CDKL5: variants seen among roughly 807,000 people sequenced by gnomAD.
CDKL5 encodes cyclin-dependent kinase-like 5.
Under a neutral mutation model 61.7 loss-of-function variants are expected in CDKL5, and 8 were observed. The observed-to-expected ratio is 0.13, with a 90% confidence interval of 0.08 to 0.23. The LOEUF is 0.23. Ranked by LOEUF, CDKL5 falls within the 10% of genes least tolerant of loss-of-function variation. The probability of loss-of-function intolerance (pLI) is 1.00; values close to 1 mark genes in which losing one functional copy is unlikely to be tolerated. For missense variants in CDKL5, 440 were observed against 734.5 expected (o/e 0.60, Z 4.63); for synonymous variants, 275 against 272.3 (o/e 1.01, Z -0.10).
At chrX:18,436,001 T>C (rs1449842117) in intron 1 of CDKL5, among the ~76,000 whole-genome samples, 1 of 111,407 alleles carries the variant, frequency 9.0e-6, no homozygotes, top group Non-Finnish European at 1.9e-5. Flanking sequence ...CCCCAAAAAC[T>C]TAACTACTAA....
Position 18,634,383 on chromosome X carries a change from G to A in CDKL5, c.*5626G>A, listed in dbSNP as rs957353123. ...TCAGAAGAAACCCAGGAATAGAAAA[G>A]GTAGATGCCTTGACTTTTGTCCCTG... On this transcript the variant is annotated 3_prime_UTR_variant, in exon 18 of 18. Coordinates refer to ENST00000623535, the MANE Select transcript of CDKL5 (RefSeq NM_001323289.2). The A allele has an allele frequency of 1.3e-6, 1 of 754,206 alleles. No individual in the cohort carries two copies. Among genetic ancestry groups the A allele is most frequent in the Admixed American group, 8.6e-5 (1 of 11,680 alleles). 62.2% of individuals were successfully genotyped at this position (754,206 alleles called of 1,213,427 possible). A position where few individuals can be genotyped will look rare whatever the true frequency, so the allele number is the denominator to read the frequency against.
At chrX:18,502,782 G>A (rs1288078384) in intron 1 of CDKL5, among the ~76,000 whole-genome samples, 1 of 111,848 alleles carries the variant, frequency 8.9e-6, no homozygotes, top group Non-Finnish European at 1.9e-5. Flanking sequence ...AACCTATTCA[G>A]TAGGGCATCC....
chrX:18,456,760 A>C (rs1932151555), intron 1 of CDKL5, among the ~76,000 whole-genome samples: 1 of 111,813 alleles, frequency 8.9e-6, no homozygotes, highest in African/African-American at 3.2e-5. Context: ...TTTTCTGTCA[A>C]ATACACCTAG....
In CDKL5 at chrX:18,631,710, T is replaced by C. The variant is rs1253596041; in HGVS notation, c.*2953T>C. The C allele has an allele frequency of 2.7e-6, 2 of 752,485 alleles. No individual in the cohort carries two copies. The highest frequency in any genetic ancestry group is 2.3e-5 in the African/African-American group (1 of 43,363). 62.0% of individuals were successfully genotyped at this position (752,485 alleles called of 1,213,427 possible). A position where few individuals can be genotyped will look rare whatever the true frequency, so the allele number is the denominator to read the frequency against. ...TCTCCTTTGGAAAAGAAACTCTGCT[T>C]CACTGTTTTTCTACCTTTATTTCTC... On this transcript the variant is annotated 3_prime_UTR_variant, in exon 18 of 18. Coordinates refer to ENST00000623535, the MANE Select transcript of CDKL5 (RefSeq NM_001323289.2).
intron 2 of CDKL5, among the ~76,000 whole-genome samples, chrX:18,509,752 T>C (rs1047614888): frequency 1.8e-5 from 2 of 110,813 alleles, no homozygotes; most frequent in African/African-American, 6.6e-5. Context: ...ACAGTGGGAG[T>C]GCTTGTCGCC....
chrX:18,615,980 T>C (rs768197856), intron 15 of CDKL5, among the ~76,000 whole-genome samples: 2 of 111,804 alleles, frequency 1.8e-5, no homozygotes, highest in Admixed American at 1.9e-4. Flanking sequence ...ACAAGCAAAA[T>C]AGAGTTAATA....
At chrX:18,489,783 C>T (rs1921926181) in intron 1 of CDKL5, among the ~76,000 whole-genome samples, 1 of 110,141 alleles carries the variant, frequency 9.1e-6, no homozygotes, top group African/African-American at 3.3e-5. Context: ...GGCGTGGTGG[C>T]CTTATACCTG....
intron 12 of CDKL5, 107 bp downstream of exon 12, chrX:18,604,975 T>G: frequency 1.1e-6 from 1 of 948,522 alleles, no homozygotes; most frequent in South Asian, 2.0e-5. Flanking sequence ...GAGGTTGTGC[T>G]TTTCTTGATA....
At chrX:18,611,849 A>G (rs1434948637) in intron 14 of CDKL5, among the ~76,000 whole-genome samples, 1 of 112,083 alleles carries the variant, frequency 8.9e-6, no homozygotes, top group South Asian at 3.7e-4. Flanking sequence ...TGTCATTTCA[A>G]TGATACTACT....
chrX:18,610,257 A>G (rs1322957499), intron 14 of CDKL5, among the ~76,000 whole-genome samples: 2 of 112,061 alleles, frequency 1.8e-5, no homozygotes, highest in Non-Finnish European at 3.8e-5. Flanking sequence ...TACCCAGCCT[A>G]TGGGACTGCA....
Position 18,629,597 on chromosome X carries a change from T to C in CDKL5, c.*840T>C. 1.3e-6 allele frequency: 1 copy of C among 752,023 alleles called. No homozygotes were observed. The highest frequency in any genetic ancestry group is 1.6e-6 in the Non-Finnish European group (1 of 637,215). 62.0% of individuals were successfully genotyped at this position (752,023 alleles called of 1,213,427 possible). A position where few individuals can be genotyped will look rare whatever the true frequency, so the allele number is the denominator to read the frequency against. ...CTACTAAAGGGAGTTGAATTGTGGC[T>C]ACACGTGACTGTAACAGTATGAACC... On this transcript the variant is annotated 3_prime_UTR_variant, in exon 18 of 18. Coordinates refer to ENST00000623535, the MANE Select transcript of CDKL5 (RefSeq NM_001323289.2).
At chrX:18,601,067 C>A (rs187458302) in intron 11 of CDKL5, among the ~76,000 whole-genome samples, 19 of 111,931 alleles carry the variant, frequency 1.7e-4, no homozygotes, top group African/African-American at 5.8e-4. Flanking sequence ...TTTAGAGATG[C>A]TCACAGCACC....
intron 1 of CDKL5, among the ~76,000 whole-genome samples, chrX:18,444,129 G>A (rs1414677350): frequency 6.7e-5 from 7 of 104,479 alleles, no homozygotes; most frequent in Non-Finnish European, 1.4e-4. Flanking sequence ...TATGTATCCT[G>A]CTTTTATTTG....
intron 1 of CDKL5, among the ~76,000 whole-genome samples, chrX:18,490,045 C>CT (rs1166525099): frequency 1.8e-5 from 2 of 111,721 alleles, no homozygotes; most frequent in Non-Finnish European, 3.8e-5. Flanking sequence ...GAGTTTGACT[C>CT]TGTCAAAATC....
rs926246653 is a variant in CDKL5 at position 18,633,586 on chromosome X, C to T, written c.*4829C>T. ...CTGATGAAAAATTCTGTCTCAGAAA[C>T]GATGAGTAAGAAACCATACAAGAAA... On this transcript the variant is annotated 3_prime_UTR_variant, in exon 18 of 18. Coordinates refer to ENST00000623535, the MANE Select transcript of CDKL5 (RefSeq NM_001323289.2). 2.7e-5 allele frequency: 20 copies of T among 753,451 alleles called. No individual in the cohort carries two copies. The highest frequency in any genetic ancestry group is 3.0e-5 in the Non-Finnish European group (19 of 639,261). The allele number at this position is 753,451 out of a possible 1,213,427, so 62.1% of individuals were successfully genotyped here. A position where few individuals can be genotyped will look rare whatever the true frequency, so the allele number is the denominator to read the frequency against.
At chrX:18,618,353 C>T (rs1194400209) in intron 15 of CDKL5, among the ~76,000 whole-genome samples, 3 of 111,717 alleles carry the variant, frequency 2.7e-5, no homozygotes, top group African/African-American at 9.8e-5. Flanking sequence ...AATTCTTTAA[C>T]CTCTAGAAGT....
intron 1 of CDKL5, among the ~76,000 whole-genome samples, chrX:18,477,306 A>C (rs1921355851): frequency 9.1e-6 from 1 of 110,234 alleles, no homozygotes; most frequent in African/African-American, 3.3e-5. Context: ...ACTTCAAGTG[A>C]TCTGTCCACC....
chrX:18,563,455 G>A (rs1247665905), intron 3 of CDKL5, among the ~76,000 whole-genome samples: 1 of 111,625 alleles, frequency 9.0e-6, no homozygotes, highest in Non-Finnish European at 1.9e-5. Context: ...CAAATAAGTT[G>A]TACCCTATAC....
chrX:18,594,986 G>A (rs1234931270), intron 9 of CDKL5, among the ~76,000 whole-genome samples: 3 of 111,426 alleles, frequency 2.7e-5, no homozygotes, highest in African/African-American at 9.8e-5. Flanking sequence ...TTCGATGCCA[G>A]CCTGGCCAAT....
Sources: allele counts gnomAD v4.1 joint callset (sites outside exome capture counted in the v4.1 genomes callset), GRCh38; gene constraint gnomAD v4.1.1; transcripts MANE v1.5; gene names NCBI Gene and HGNC (gene_info 2026-07-23, HGNC 2026-07-21).